Variants in PIWIL4 observed in about 807,000 individuals in gnomAD.
The protein encoded by PIWIL4 is piwi like RNA-mediated gene silencing 4.
PIWIL4 carries 50 observed loss-of-function variants against 100.9 expected under a neutral mutation model. The ratio of observed to expected loss-of-function variants is 0.50; its 90% CI spans 0.39 to 0.63. PIWIL4 has a LOEUF of 0.63. PIWIL4 is among the 20% of genes least tolerant of loss of function. PIWIL4 has a pLI of 0.00. For synonymous variants in PIWIL4, 342 were observed against 367.5 expected, an observed-to-expected ratio of 0.93 and a Z score of 0.79; for missense variants, 887 against 1,043.3, an observed-to-expected ratio of 0.85 and a Z score of 2.06.
chr11:94,616,196 G>A (rs1565284916), intron 15 of PIWIL4, among the ~76,000 whole-genome samples: 1 of 152,092 alleles, frequency 6.6e-6, no homozygotes, highest in Non-Finnish European at 1.5e-5. Context: ...AATCTCCTTG[G>A]TACAGATGAG....
rs1565276172 is a variant in PIWIL4 at position 94,593,146 on chromosome 11, C to T, written c.1027-372C>T. Among the ~76,000 whole-genome samples, 4 of 152,194 alleles carry T rather than the reference C, an allele frequency of 2.6e-5. No homozygotes were observed. The South Asian group carries it at 8.3e-4, about 32-fold the overall frequency. Reference sequence around the variant, plus strand: ...CAAAATGAATATAGATGTTTAGAGCCAGATAGTTAAGCATGGGGCAGTCTA... The same window carrying T: ...CAAAATGAATATAGATGTTTAGAGCTAGATAGTTAAGCATGGGGCAGTCTA... On this transcript the variant is annotated intron_variant, in intron 8 of 19. Coordinates refer to ENST00000299001, the MANE Select transcript of PIWIL4 (RefSeq NM_152431.3).
At chr11:94,585,614 T>G in intron 6 of PIWIL4, 89 bp downstream of exon 6, 1 of 899,704 alleles carries the variant, frequency 1.1e-6, no homozygotes, top group East Asian at 2.7e-5. Context: ...TTATGCCTCC[T>G]GTGAGAGACT....
At chr11:94,616,277 G>A (rs564231953) in intron 15 of PIWIL4, among the ~76,000 whole-genome samples, 6 of 152,268 alleles carry the variant, frequency 3.9e-5, no homozygotes, top group South Asian at 4.1e-4. Context: ...TTTGAAGCTC[G>A]ATATGGCTGA....
At chr11:94,574,596 T>C (rs72963846) in intron 2 of PIWIL4, among the ~76,000 whole-genome samples, 35,833 of 151,838 alleles carry the variant, frequency 0.24, 4,512 homozygotes, top group East Asian at 0.29. Flanking sequence ...ACCTTCTGGG[T>C]TTAAGTGATC....
chr11:94,616,339 G>C (rs1948845741), intron 15 of PIWIL4, among the ~76,000 whole-genome samples, 154 bp from the exon 16 acceptor site: 1 of 148,170 alleles, frequency 6.7e-6, no homozygotes, highest in African/African-American at 2.5e-5. Flanking sequence ...TTGGGTAAAG[G>C]GTCTCTTTGA....
rs34989614 is a variant in PIWIL4, at chr11:94,606,833, C to CAAA, written c.1639-593_1639-591dup. Among the ~76,000 whole-genome samples, 7 of 102,892 alleles carry CAAA rather than the reference C, an allele frequency of 6.8e-5. No individual in the cohort carries two copies. In the South Asian group the frequency reaches 1.0e-3, roughly 15 times the overall value. 67.5% of individuals were successfully genotyped at this position (102,892 alleles called of 152,430 possible). A position where few individuals can be genotyped will look rare whatever the true frequency, so the allele number is the denominator to read the frequency against. On this transcript the variant is annotated intron_variant, in intron 13 of 19. Coordinates refer to ENST00000299001, the MANE Select transcript of PIWIL4 (RefSeq NM_152431.3). ...TGGGTGACAGTGTGAGACTCTGTCT[C>CAAA]AAAAAAAAAAAAAAAGCCAGGGGAC...
intron 13 of PIWIL4, among the ~76,000 whole-genome samples, chr11:94,606,575 AT>A (rs1322006521): frequency 6.6e-6 from 1 of 152,168 alleles, no homozygotes; most frequent in Non-Finnish European, 1.5e-5. Flanking sequence ...CACGCCTGTA[AT>A]CCCAGCACTT....
At chr11:94,606,707 G>A (rs1041885219) in intron 13 of PIWIL4, among the ~76,000 whole-genome samples, 17 of 151,976 alleles carry the variant, frequency 1.1e-4, no homozygotes, top group African/African-American at 1.9e-4. Flanking sequence ...GGTGGCAGGC[G>A]CCTGTAATCC....
chr11:94,608,693 C>T lies in PIWIL4; in HGVS notation c.1943+7C>T. ...TTAACCCCAGAATCACCAGGTACTG[C>T]TAAAACTACCTGAACACATGCTTCA... On this transcript the variant is annotated splice_region_variant and intron_variant, in intron 15 of 19. Transcript: ENST00000299001. 1 of 1,604,894 alleles carries T rather than the reference C, an allele frequency of 6.2e-7. No homozygotes were observed. Among genetic ancestry groups the T allele is most frequent in the Admixed American group, 1.7e-5 (1 of 59,988 alleles).
chr11:94,616,785 C>G (rs1228812607), intron 16 of PIWIL4, among the ~76,000 whole-genome samples: 2 of 152,148 alleles, frequency 1.3e-5, no homozygotes, highest in East Asian at 3.9e-4. Context: ...TAACATGAAG[C>G]CAGAAGGAAG....
At chr11:94,610,442 A>G (rs1023590147) in intron 15 of PIWIL4, among the ~76,000 whole-genome samples, 1 of 152,094 alleles carries the variant, frequency 6.6e-6, no homozygotes, top group Non-Finnish European at 1.5e-5. Context: ...CATAATGGCT[A>G]TGCTAATTTA....
Position 94,619,884 on chromosome 11 carries a change from T to C in PIWIL4, c.2293T>C (p.Trp765Arg). 1 of 1,614,238 alleles carries C rather than the reference T, an allele frequency of 6.2e-7. No individual in the cohort carries two copies. Among genetic ancestry groups the C allele is most frequent in the Non-Finnish European group, 8.5e-7 (1 of 1,180,030 alleles). ...VVDSEATRNE[W>R]YDFYLISQVA... is the part of the protein sequence containing the mutation. ...GGATTCAGAAGCAACACGTAACGAA[T>C]GGCAAGTGCCGCTGGAAAATCAATT... The change falls in exon 18 of 20, where the codon TGG becomes CGG. Residue 765 changes from tryptophan (W) to arginine (R), a missense_variant and splice_region_variant. Physicochemically the swap from Trp to Arg is moderately radical, Grantham distance 101. This residue lies in a region of PIWIL4 where 741 missense variants were observed against 930.0 expected (regional missense o/e 0.80). Coordinates refer to ENST00000299001, the MANE Select transcript of PIWIL4 (RefSeq NM_152431.3).
intron 8 of PIWIL4, among the ~76,000 whole-genome samples, chr11:94,590,341 C>T (rs1385973405): frequency 6.6e-6 from 1 of 152,164 alleles, no homozygotes; most frequent in Non-Finnish European, 1.5e-5. Flanking sequence ...CTCTTCCTTC[C>T]TTGACTCCTG....
rs562999087 is a variant in PIWIL4, at chr11:94,621,142, G to A, written c.*150G>A. 3.5e-6 allele frequency: 2 copies of A among 564,102 alleles called. No homozygotes were observed. Among genetic ancestry groups the A allele is most frequent in the East Asian group, 2.9e-5 (1 of 34,700 alleles). The allele number at this position is 564,102 out of a possible 1,614,324, so 34.9% of individuals were successfully genotyped here. ...GAAAAAAAGCAAAACAACTTAATCTGAAACAGTTTTAAAAAATGTGTGTTA... is the reference window on the plus strand; with the variant it reads ...GAAAAAAAGCAAAACAACTTAATCTAAAACAGTTTTAAAAAATGTGTGTTA... On this transcript the variant is annotated 3_prime_UTR_variant, in exon 20 of 20. Transcript: ENST00000299001.
chr11:94,577,599 G>A (rs1948256262), intron 4 of PIWIL4, 107 bp downstream of exon 4: 11 of 900,884 alleles, frequency 1.2e-5, no homozygotes, highest in East Asian at 5.6e-5. Flanking sequence ...AAAGGTTTGT[G>A]GAAAAATAGA....
rs572456657 is a variant in PIWIL4, at chr11:94,601,700, A to G, written c.1381-95A>G. The G allele has an allele frequency of 1.0e-3, 1,163 of 1,168,324 alleles. 20 individuals carry two copies. In the South Asian group the frequency reaches 0.014, roughly 14 times the overall value. The allele number at this position is 1,168,324 out of a possible 1,614,324, so 72.4% of individuals were successfully genotyped here. A position where few individuals can be genotyped will look rare whatever the true frequency, so the allele number is the denominator to read the frequency against. ...GACTGAATAGCAAACTGTGTTAAAC[A>G]GTTATAACAAAAGTTGGCCATCTTC... On this transcript the variant is annotated intron_variant, in intron 11 of 19. Coordinates refer to ENST00000299001, the MANE Select transcript of PIWIL4 (RefSeq NM_152431.3).
intron 15 of PIWIL4, among the ~76,000 whole-genome samples, chr11:94,613,177 G>A (rs1411010376): frequency 6.6e-6 from 1 of 152,014 alleles, no homozygotes; most frequent in Admixed American, 6.6e-5. Flanking sequence ...TCAGTTTGTT[G>A]TTTGAAAACT....
At chr11:94,569,190 G>A (rs548268352) in intron 2 of PIWIL4, among the ~76,000 whole-genome samples, 4 of 152,094 alleles carry the variant, frequency 2.6e-5, no homozygotes, top group East Asian at 1.9e-4. Flanking sequence ...GCACTTGTAC[G>A]TTTATTGCAG....
At chr11:94,601,539 G>T (rs548041666) in intron 11 of PIWIL4, among the ~76,000 whole-genome samples, 1 of 152,188 alleles carries the variant, frequency 6.6e-6, no homozygotes, top group African/African-American at 2.4e-5. Context: ...TCTGTGCACC[G>T]CAGAGAATCA....
Sources: gnomAD v4.1 joint callset for allele counts (sites outside exome capture counted in the v4.1 genomes callset) on GRCh38, gnomAD v4.1.1 for gene constraint, gnomAD v4.1.1 regional missense constraint, MANE v1.5 for transcripts, NCBI Gene and HGNC (gene_info 2026-07-23, HGNC 2026-07-21) for gene names.